The following BCR variants were observed in gnomAD, a reference collection of about 807,000 sequenced individuals.
BCR encodes the protein breakpoint cluster region protein.
Under a neutral mutation model 138.6 loss-of-function variants are expected in BCR, and 58 were observed. The observed-to-expected ratio is 0.42, with a 90% CI of 0.34 to 0.52. The LOEUF (loss-of-function observed/expected upper bound fraction) is 0.52, where lower values mean the gene tolerates loss of function less well. Ranked by LOEUF, BCR falls within the 20% of genes least tolerant of loss-of-function variation. BCR has a pLI of 0.06. For missense variants in BCR, 1,599 were observed against 1,727.2 expected (o/e 0.93, Z 1.32); for synonymous variants, 786 against 730.1 (o/e 1.08, Z -1.23).
intron 1 of BCR, among the ~76,000 whole-genome samples, chr22:23,192,042 G>A (rs1230103463): frequency 6.6e-6 from 1 of 152,188 alleles, no homozygotes; most frequent in Non-Finnish European, 1.5e-5. Flanking sequence ...GATGGTGGCT[G>A]GTGCCCATGG....
intron 1 of BCR, among the ~76,000 whole-genome samples, chr22:23,189,702 A>G (rs939152271): frequency 2.6e-5 from 4 of 152,050 alleles, no homozygotes; most frequent in Non-Finnish European, 4.4e-5. Context: ...GGGTTTCACC[A>G]TGTTGGCCAG....
intron 3 of BCR, 64 bp from the exon 4 acceptor site, chr22:23,261,291 T>C: frequency 1.3e-6 from 2 of 1,520,736 alleles, no homozygotes; most frequent in East Asian, 2.3e-5. Flanking sequence ...TCTACTGCCA[T>C]ACAATGCACC....
At chr22:23,286,348 G>T (rs1383008755) in intron 10 of BCR, among the ~76,000 whole-genome samples, 1 of 152,222 alleles carries the variant, frequency 6.6e-6, no homozygotes, top group East Asian at 1.9e-4. Context: ...CCCAGGTAGG[G>T]TGGACGCAGC....
chr22:23,301,734 G>T (rs918436447), intron 16 of BCR, among the ~76,000 whole-genome samples: 9 of 152,208 alleles, frequency 5.9e-5, no homozygotes, highest in Admixed American at 5.9e-4. Flanking sequence ...GAAGGCTGGG[G>T]AGAGGGGTCT....
chr22:23,307,837 A>C (rs1458667991), intron 16 of BCR: 1 of 118,146 alleles, frequency 8.5e-6, no homozygotes, highest in Non-Finnish European at 1.8e-5. Flanking sequence ...AGGGAGGCCC[A>C]GGTGCACACA....
intron 1 of BCR, among the ~76,000 whole-genome samples, chr22:23,242,629 G>A (rs568095638): frequency 3.3e-5 from 5 of 152,180 alleles, no homozygotes; most frequent in Admixed American, 6.5e-5. Flanking sequence ...AGGCTCTGTT[G>A]GTCGCATTCT....
intron 1 of BCR, among the ~76,000 whole-genome samples, chr22:23,196,203 C>T (rs1395427473): frequency 6.6e-6 from 1 of 152,154 alleles, no homozygotes; most frequent in Non-Finnish European, 1.5e-5. Flanking sequence ...AAACACTGAT[C>T]TTCAGGAGGG....
At chr22:23,291,523 C>T (rs1301894359) in intron 14 of BCR, among the ~76,000 whole-genome samples, 1 of 152,116 alleles carries the variant, frequency 6.6e-6, no homozygotes, top group Non-Finnish European at 1.5e-5. Flanking sequence ...TCGTGGGCCT[C>T]CCTGCATCCC....
intron 10 of BCR, among the ~76,000 whole-genome samples, chr22:23,285,963 C>A (rs1244300528): frequency 1.3e-5 from 2 of 152,228 alleles, no homozygotes; most frequent in Non-Finnish European, 2.9e-5. Context: ...CGGGTTCTCA[C>A]CTCTGGCCAC....
intron 16 of BCR, among the ~76,000 whole-genome samples, chr22:23,301,416 G>A (rs2073900734): frequency 6.6e-6 from 1 of 152,228 alleles, no homozygotes; most frequent in African/African-American, 2.4e-5. Flanking sequence ...AGGAGCACTG[G>A]GACTGTGTCT....
chr22:23,252,427 C>CTTTTTTTTTTTTTTTTTTTTTTTTT (rs371986661), intron 1 of BCR, among the ~76,000 whole-genome samples: 1 of 119,496 alleles, frequency 8.4e-6, no homozygotes, highest in African/African-American at 3.5e-5. Flanking sequence ...TTTTTCTTTT[C>CTTTTTTTTTTTTTTTTTTTTTTTTT]TTTTCTTTTT....
At chr22:23,205,333 G>A (rs1248216916) in intron 1 of BCR, among the ~76,000 whole-genome samples, 1 of 152,196 alleles carries the variant, frequency 6.6e-6, no homozygotes, top group East Asian at 1.9e-4. Context: ...TCAGAATATT[G>A]CATTTGGTGG....
intron 1 of BCR, chr22:23,242,975 A>G (rs1273151077): frequency 1.8e-5 from 8 of 443,124 alleles, no homozygotes; most frequent in South Asian, 4.8e-5. Flanking sequence ...TCCGCCTTCA[A>G]ATGGCCTCCT....
intron 1 of BCR, among the ~76,000 whole-genome samples, chr22:23,246,890 G>C (rs1033559578): frequency 6.6e-6 from 1 of 151,934 alleles, no homozygotes; most frequent in Non-Finnish European, 1.5e-5. Flanking sequence ...CAGCTTCGGA[G>C]CCCCCAAGAT....
intron 16 of BCR, among the ~76,000 whole-genome samples, chr22:23,298,077 A>G (rs2073865334): frequency 6.6e-6 from 1 of 152,200 alleles, no homozygotes; most frequent in Admixed American, 6.5e-5. Context: ...GATAGGGAAA[A>G]GACTAGAAAT....
At chr22:23,190,365 A>G (rs944646035) in intron 1 of BCR, among the ~76,000 whole-genome samples, 14 of 152,010 alleles carry the variant, frequency 9.2e-5, no homozygotes, top group Non-Finnish European at 1.9e-4. Flanking sequence ...ACGGGGTTTC[A>G]CCATGTTAGC....
At chr22:23,300,317 T>C (rs1481030328) in intron 16 of BCR, among the ~76,000 whole-genome samples, 4 of 152,250 alleles carry the variant, frequency 2.6e-5, no homozygotes, top group Admixed American at 2.6e-4. Context: ...ATTTGTCTTT[T>C]GGGTCTGGTT....
chr22:23,205,989 G>A (rs1423150571), intron 1 of BCR, among the ~76,000 whole-genome samples: 1 of 152,174 alleles, frequency 6.6e-6, no homozygotes, highest in African/African-American at 2.4e-5. Context: ...GCTCACAGGA[G>A]CTTCTCTCCT....
chr22:23,264,362 G>A (rs996164771), intron 4 of BCR: 13 of 934,350 alleles, frequency 1.4e-5, no homozygotes, highest in African/African-American at 8.0e-5. Context: ...ACCCGTGACC[G>A]TCAGGGCCAC....
Sources: allele counts gnomAD v4.1 joint callset (sites outside exome capture counted in the v4.1 genomes callset), GRCh38; gene constraint gnomAD v4.1.1; transcripts MANE v1.5; gene names NCBI Gene and HGNC (gene_info 2026-07-23, HGNC 2026-07-21).